Variants in EXOC4 observed in about 807,000 individuals in gnomAD.
EXOC4 encodes the protein SEC8-like 1.
A neutral mutation model predicts 107.2 loss-of-function variants in EXOC4; 71 were observed. The ratio of observed to expected loss-of-function variants is 0.66; its 90% confidence interval spans 0.55 to 0.81. EXOC4 has a LOEUF of 0.81. EXOC4 is among the 30% of genes least tolerant of loss of function. The pLI, the probability that EXOC4 is intolerant of heterozygous loss-of-function variation, is 0.00. For synonymous variants in EXOC4, 456 were observed against 441.2 expected (o/e 1.03, Z -0.42); for missense variants, 1,108 against 1,189.6 (o/e 0.93, Z 1.01).
intron 11 of EXOC4, among the ~76,000 whole-genome samples, chr7:133,871,336 A>G (rs950853355): frequency 6.6e-6 from 1 of 152,030 alleles, no homozygotes; most frequent in Non-Finnish European, 1.5e-5. Context: ...ACCACAAACC[A>G]GGACCCCTCC....
intron 7 of EXOC4, among the ~76,000 whole-genome samples, chr7:133,464,811 G>GTTTTTTTTTTTTTTTTTTTTTT (rs3046149): frequency 3.9e-5 from 2 of 51,298 alleles, no homozygotes; most frequent in African/African-American, 8.3e-5. Context: ...GGTTGGGTTG[G>GTTTTTTTTTTTTTTTTTTTTTT]TTTTTTTTTT....
chr7:133,950,988 C>A (rs1206728983), intron 14 of EXOC4, among the ~76,000 whole-genome samples: 2 of 152,166 alleles, frequency 1.3e-5, no homozygotes, highest in Non-Finnish European at 2.9e-5. Context: ...TAGAGAAACA[C>A]CCCCACAAAA....
chr7:133,324,853 T>A, intron 5 of EXOC4, among the ~76,000 whole-genome samples: 1 of 152,184 alleles, frequency 6.6e-6, no homozygotes, highest in Admixed American at 6.5e-5. Context: ...CTAAGCCTCT[T>A]TGTAGGTCTC....
intron 7 of EXOC4, among the ~76,000 whole-genome samples, chr7:133,462,855 A>G (rs1282425648): frequency 2.0e-5 from 3 of 152,194 alleles, no homozygotes; most frequent in Non-Finnish European, 4.4e-5. Flanking sequence ...GTAATGATAT[A>G]AAAAGAACCA....
At chr7:133,947,031 C>T (rs114819229) in intron 14 of EXOC4, among the ~76,000 whole-genome samples, 10 of 152,254 alleles carry the variant, frequency 6.6e-5, no homozygotes, top group African/African-American at 1.2e-4. Flanking sequence ...TGAAGTCTGA[C>T]GAACTTAAGG....
intron 10 of EXOC4, among the ~76,000 whole-genome samples, chr7:133,740,203 T>TA (rs1310606265): frequency 6.6e-6 from 1 of 152,176 alleles, no homozygotes; most frequent in African/African-American, 2.4e-5. Context: ...CTACTGAGTG[T>TA]AAAAAAATAA....
At chr7:133,744,250 A>G (rs1795628851) in intron 10 of EXOC4, among the ~76,000 whole-genome samples, 1 of 152,222 alleles carries the variant, frequency 6.6e-6, no homozygotes, top group African/African-American at 2.4e-5. Context: ...GGCATTATAG[A>G]AGACATCTTA....
At chr7:133,642,655 AT>A (rs1161087441) in intron 10 of EXOC4, among the ~76,000 whole-genome samples, 1 of 151,998 alleles carries the variant, frequency 6.6e-6, no homozygotes, top group African/African-American at 2.4e-5. Context: ...TCTTTAATCC[AT>A]CTTCTACACT....
At chr7:133,364,046 T>C (rs778160151) in intron 6 of EXOC4, among the ~76,000 whole-genome samples, 1 of 152,174 alleles carries the variant, frequency 6.6e-6, no homozygotes, top group South Asian at 2.1e-4. Flanking sequence ...TAGTCTCTAA[T>C]CAGATTGGAC....
At chr7:133,272,109 C>A (rs375519852) in intron 1 of EXOC4, among the ~76,000 whole-genome samples, 50 of 152,250 alleles carry the variant, frequency 3.3e-4, no homozygotes, top group East Asian at 2.9e-3. Flanking sequence ...TAGTGACATA[C>A]CAGGCCTTGT....
chr7:133,938,206 G>A, intron 14 of EXOC4, 137 bp downstream of exon 14: 1 of 799,176 alleles, frequency 1.3e-6, no homozygotes. Flanking sequence ...TTAGAATTCT[G>A]CTTGTGTTGC....
intron 10 of EXOC4, among the ~76,000 whole-genome samples, chr7:133,645,086 CTTTTT>C (rs35058872): frequency 4.0e-5 from 5 of 123,962 alleles, no homozygotes; most frequent in Non-Finnish European, 6.5e-5. Context: ...CTTCTGCCAC[CTTTTT>C]TTTTTTTTTT....
At chr7:133,617,864 G>A (rs1802232674) in intron 9 of EXOC4, among the ~76,000 whole-genome samples, 1 of 152,146 alleles carries the variant, frequency 6.6e-6, no homozygotes, top group African/African-American at 2.4e-5. Context: ...GTTCCAGGTT[G>A]GTAGTGCCCT....
chr7:133,566,882 A>G (rs1800916627), intron 9 of EXOC4, among the ~76,000 whole-genome samples: 1 of 152,216 alleles, frequency 6.6e-6, no homozygotes, highest in African/African-American at 2.4e-5. Context: ...CATGGATATA[A>G]CAATAGACTA....
At chr7:133,629,949 A>T in intron 9 of EXOC4, 96 bp from the exon 10 acceptor site, 1 of 813,386 alleles carries the variant, frequency 1.2e-6, no homozygotes, top group Non-Finnish European at 2.1e-6. Context: ...AGATGGTCCT[A>T]ATTATGACAG....
chr7:133,547,529 G>A (rs150140621), intron 9 of EXOC4, among the ~76,000 whole-genome samples: 3 of 152,238 alleles, frequency 2.0e-5, no homozygotes, highest in African/African-American at 7.2e-5. Context: ...CTGTTTGATA[G>A]CATTTTACTC....
At chr7:133,807,921 A>G (rs1488016906) in intron 10 of EXOC4, among the ~76,000 whole-genome samples, 1 of 152,186 alleles carries the variant, frequency 6.6e-6, no homozygotes, top group Non-Finnish European at 1.5e-5. Context: ...CAATATACTC[A>G]TGGTAAGATT....
At chr7:133,272,380 T>G (rs1188071833) in intron 1 of EXOC4, among the ~76,000 whole-genome samples, 1 of 152,108 alleles carries the variant, frequency 6.6e-6, no homozygotes, top group African/African-American at 2.4e-5. Context: ...TGGTGTAAAT[T>G]AATTCAACGT....
chr7:133,908,327 G>T (rs879389820), intron 12 of EXOC4, among the ~76,000 whole-genome samples: 25 of 152,252 alleles, frequency 1.6e-4, no homozygotes, highest in Non-Finnish European at 2.8e-4. Flanking sequence ...AAGAAACAGA[G>T]GTTCAGGAAA....
Sources: allele counts gnomAD v4.1 joint callset (sites outside exome capture counted in the v4.1 genomes callset), GRCh38; gene constraint gnomAD v4.1.1; transcripts MANE v1.5; gene names NCBI Gene and HGNC (gene_info 2026-07-23, HGNC 2026-07-21).